The following FAM135B variants were observed in gnomAD, a reference collection of about 807,000 sequenced individuals.
FAM135B encodes the protein protein FAM135B.
In FAM135B, 43 loss-of-function variants were observed where a neutral mutation model predicts 127.7. That is an observed-to-expected ratio of 0.34 (90% CI 0.26 to 0.43). The LOEUF (loss-of-function observed/expected upper bound fraction) is 0.43, where lower values mean the gene tolerates loss of function less well. Among genes scored for constraint, FAM135B ranks in the 20% least tolerant of loss-of-function variants. The pLI, the probability that FAM135B is intolerant of heterozygous loss-of-function variation, is 1.00. For synonymous variants in FAM135B, 670 were observed against 665.1 expected, an observed-to-expected ratio of 1.01 and a Z score of -0.11; for missense variants, 1,558 against 1,725.6, an observed-to-expected ratio of 0.90 and a Z score of 1.72.
chr8:138,415,079 A>T (rs1194065851), intron 1 of FAM135B, among the ~76,000 whole-genome samples: 1 of 152,248 alleles, frequency 6.6e-6, no homozygotes, highest in Non-Finnish European at 1.5e-5. Flanking sequence ...GATAATGATC[A>T]CAAGCTAAAT....
At chr8:138,177,161 C>T (rs1814549281) in intron 11 of FAM135B, among the ~76,000 whole-genome samples, 186 bp downstream of exon 11, 1 of 152,176 alleles carries the variant, frequency 6.6e-6, no homozygotes, top group African/African-American at 2.4e-5. Flanking sequence ...CCTTCTCTGC[C>T]ACCTGCCAGC....
At chr8:138,352,660 G>A (rs1462305853) in intron 2 of FAM135B, among the ~76,000 whole-genome samples, 1 of 152,164 alleles carries the variant, frequency 6.6e-6, no homozygotes, top group Non-Finnish European at 1.5e-5. Context: ...CCATGCCTAT[G>A]TCTTACACTT....
At chr8:138,154,388 C>A (rs1242693658) in intron 12 of FAM135B, among the ~76,000 whole-genome samples, 1 of 152,116 alleles carries the variant, frequency 6.6e-6, no homozygotes, top group African/African-American at 2.4e-5. Flanking sequence ...CTCTTCTCCT[C>A]CAAAGGAACA....
rs1391745862 is a variant in FAM135B, at chr8:138,241,196, A to G, written c.669+1746T>C. Among the ~76,000 whole-genome samples, 3 of 152,186 alleles carry G rather than the reference A, an allele frequency of 2.0e-5. No homozygotes were observed. The highest frequency in any genetic ancestry group is 4.8e-5 in the African/African-American group (2 of 41,450). ...AAGGACCCACAGCAGGGACAGTCCA[A>G]TGACATGCTACAGGGCTCACTGCTT... On this transcript the variant is annotated intron_variant, in intron 7 of 19. Transcript: ENST00000395297. The surrounding 1 kb of genome is among the most constrained non-coding windows in gnomAD (Gnocchi z 4.8).
At chr8:138,425,005 T>C (rs1457875743) in intron 1 of FAM135B, among the ~76,000 whole-genome samples, 1 of 152,220 alleles carries the variant, frequency 6.6e-6, no homozygotes. Context: ...ATTGATTATC[T>C]GTCACTTCAG....
At chr8:138,440,418 A>G (rs1835693718) in intron 1 of FAM135B, 1 of 152,126 alleles carries the variant, frequency 6.6e-6, no homozygotes, top group Admixed American at 6.6e-5. Context: ...GACAAAAGTA[A>G]AATATGGGCT....
intron 1 of FAM135B, among the ~76,000 whole-genome samples, chr8:138,445,348 A>C (rs892547861): frequency 3.3e-5 from 5 of 152,198 alleles, no homozygotes; most frequent in African/African-American, 7.2e-5. Context: ...GAGACACAAC[A>C]AAAAAAGAGA....
Position 138,143,101 on chromosome 8 carries a change from T to C in FAM135B, c.3549A>G (p.Thr1183=). The change falls in exon 16 of 20, where the codon ACA becomes ACG. Residue 1183 remains threonine, a synonymous_variant. Coordinates refer to ENST00000395297, the MANE Select transcript of FAM135B (RefSeq NM_015912.4). ...FLMSEKNQMD[T]FADFDTMTDR... ...CCGTCATAGTATCAAAATCTGCAAA[T>C]GTGTCCATCTGGAAGAAGAGAGAGG... is the stretch of plus-strand genomic sequence containing the variant. 3 of 1,589,678 alleles carry C rather than the reference T, an allele frequency of 1.9e-6. No homozygotes were observed. The highest frequency in any genetic ancestry group is 3.3e-4 in the Middle Eastern group (2 of 6,022).
intron 1 of FAM135B, among the ~76,000 whole-genome samples, chr8:138,487,894 C>T (rs952022587): frequency 6.6e-6 from 1 of 152,024 alleles, no homozygotes; most frequent in Non-Finnish European, 1.5e-5. Flanking sequence ...ATCCCAGCTA[C>T]TGGGGAGGCC....
rs143070041 is a variant in FAM135B at position 138,280,874 on chromosome 8, G to A, written c.158-15032C>T. 1.8e-3 allele frequency among the ~76,000 whole-genome samples: 279 copies of A among 152,184 alleles called. 8 individuals are homozygous for A. In the East Asian group the frequency reaches 0.048, roughly 26 times the overall value. ...TGGAAAGGGGAGAGGGTGCATCATC[G>A]CATGCAGAGGAGGGGGCTCAGAGGT... is the stretch of plus-strand genomic sequence containing the variant. On this transcript the variant is annotated intron_variant, in intron 3 of 19. Transcript: ENST00000395297.
At chr8:138,266,613 A>G (rs1822948637) in intron 3 of FAM135B, among the ~76,000 whole-genome samples, 1 of 148,934 alleles carries the variant, frequency 6.7e-6, no homozygotes, top group South Asian at 2.1e-4. Flanking sequence ...ATATGTATAT[A>G]TATGTATATA....
At chr8:138,366,539 C>T (rs1830747250) in intron 2 of FAM135B, among the ~76,000 whole-genome samples, 1 of 152,200 alleles carries the variant, frequency 6.6e-6, no homozygotes, top group Non-Finnish European at 1.5e-5. Flanking sequence ...CCCAAAACCC[C>T]TCCTCATATG....
chr8:138,306,594 T>G (rs1011206265), intron 3 of FAM135B, among the ~76,000 whole-genome samples: 3 of 150,762 alleles, frequency 2.0e-5, no homozygotes, highest in Non-Finnish European at 4.4e-5. Flanking sequence ...CTTTTTTTTT[T>G]TTTTTTGAGA....
At position 138,152,742 on chromosome 8, in the gene FAM135B, C is replaced by A. The variant is rs57534956; in HGVS notation, c.1733G>T (p.Ser578Ile). The change falls in exon 13 of 20, where the codon AGT becomes ATT. Residue 578 changes from serine to isoleucine, a missense_variant. By Grantham distance (142) the Ser-to-Ile change is moderately radical. Transcript: ENST00000395297. Reference sequence around the variant, plus strand: ...TCCATACTTATCTCTAGAGCTCCTACTCTCATGCTGAGCATTGAAGGCCAC... The same window carrying A: ...TCCATACTTATCTCTAGAGCTCCTAATCTCATGCTGAGCATTGAAGGCCAC... Reference protein sequence around the residue: ...PLVAFNAQHESRSSRDKYGLD... With the variant: ...PLVAFNAQHEIRSSRDKYGLD... 1 of 1,614,186 alleles carries A rather than the reference C, an allele frequency of 6.2e-7. No individual in the cohort carries two copies. The highest frequency in any genetic ancestry group is 8.5e-7 in the Non-Finnish European group (1 of 1,180,026).
chr8:138,353,207 A>G (rs1323914458), intron 2 of FAM135B, among the ~76,000 whole-genome samples: 1 of 152,178 alleles, frequency 6.6e-6, no homozygotes, highest in Non-Finnish European at 1.5e-5. Flanking sequence ...CATATTGAGT[A>G]GTAAAACCGG....
At position 138,406,631 on chromosome 8, in the gene FAM135B, G is replaced by C. The variant is rs1300005683; in HGVS notation, c.-19-38629C>G. On this transcript the variant is annotated intron_variant, in intron 1 of 19. Coordinates refer to ENST00000395297, the MANE Select transcript of FAM135B (RefSeq NM_015912.4). ...CATGCAAATCAATAAATGTAATCCA[G>C]CATATAAACAGAACCGAAGACAAAA... is the stretch of plus-strand genomic sequence containing the variant. Among the ~76,000 whole-genome samples the C allele has an allele frequency of 4.6e-5, 7 of 152,112 alleles. No homozygotes were observed. The South Asian group carries it at 1.2e-3, about 27-fold the overall frequency.
At chr8:138,222,288 G>C (rs749569113) in intron 7 of FAM135B, among the ~76,000 whole-genome samples, 1 of 152,092 alleles carries the variant, frequency 6.6e-6, no homozygotes, top group Non-Finnish European at 1.5e-5. Context: ...ACAGAAAGGG[G>C]GTTGAATGGC....
intron 2 of FAM135B, among the ~76,000 whole-genome samples, chr8:138,325,705 C>T (rs1318869104): frequency 6.6e-6 from 1 of 152,186 alleles, no homozygotes; most frequent in Non-Finnish European, 1.5e-5. Flanking sequence ...GCTATAACTT[C>T]TCCCATTGCC....
rs903554674 is a variant in FAM135B at position 138,249,198 on chromosome 8, G to A, written c.542+1643C>T. Among the ~76,000 whole-genome samples, 37 of 152,192 alleles carry A rather than the reference G, an allele frequency of 2.4e-4. 1 individual carries two copies. The highest frequency in any genetic ancestry group is 8.0e-4 in the African/African-American group (33 of 41,442). ...TTGAGGATGTGATTTGCCAAGCCTT[G>A]GAGTGCATTAGCAGCTAGGGAATAT... On this transcript the variant is annotated intron_variant, in intron 6 of 19. Coordinates refer to ENST00000395297, the MANE Select transcript of FAM135B (RefSeq NM_015912.4).
Sources: gnomAD v4.1 joint callset for allele counts (sites outside exome capture counted in the v4.1 genomes callset) on GRCh38, gnomAD v4.1.1 for gene constraint, Gnocchi (gnomAD v3.1) non-coding constraint, MANE v1.5 for transcripts, NCBI Gene and HGNC (gene_info 2026-07-23, HGNC 2026-07-21) for gene names.